The following XKR6 variants were observed in gnomAD, a reference collection of about 807,000 sequenced individuals.
The protein encoded by XKR6 is XK-related protein 6.
In XKR6, 22 loss-of-function variants were observed where a neutral mutation model predicts 56.7. The observed-to-expected ratio is 0.39, with a 90% CI of 0.28 to 0.55. The LOEUF (loss-of-function observed/expected upper bound fraction) is 0.55, where lower values mean the gene tolerates loss of function less well. Among genes scored for constraint, XKR6 ranks in the 20% least tolerant of loss-of-function variants. The pLI is 0.66. For synonymous variants in XKR6, 524 were observed against 387.8 expected (o/e 1.35, Z -4.13); for missense variants, 852 against 889.0 (o/e 0.96, Z 0.53).
intron 1 of XKR6, among the ~76,000 whole-genome samples, chr8:10,990,800 CT>C (rs1797972798): frequency 6.6e-6 from 1 of 151,574 alleles, no homozygotes; most frequent in Non-Finnish European, 1.5e-5. Flanking sequence ...CCAGGCTGGT[CT>C]CGAACTTCTG....
Position 11,195,861 on chromosome 8 carries a change from C to G in XKR6, c.764+4715G>C, listed in dbSNP as rs530009365. On this transcript the variant is annotated intron_variant, in intron 1 of 2. Coordinates refer to ENST00000416569, the MANE Select transcript of XKR6 (RefSeq NM_173683.4). Reference sequence around the variant, plus strand: ...TAGAGATGGGGTTTCACCATGTTAGCCAGGATGGTCGCGATCTCCTGACCT... The same window carrying G: ...TAGAGATGGGGTTTCACCATGTTAGGCAGGATGGTCGCGATCTCCTGACCT... Among the ~76,000 whole-genome samples the G allele has an allele frequency of 2.2e-3, 333 of 151,534 alleles. 1 individual carries two copies. The highest frequency in any genetic ancestry group is 7.6e-3 in the African/African-American group (315 of 41,312).
At chr8:11,010,794 C>G (rs943535778) in intron 1 of XKR6, among the ~76,000 whole-genome samples, 2 of 149,378 alleles carry the variant, frequency 1.3e-5, no homozygotes, top group Non-Finnish European at 3.0e-5. Flanking sequence ...TTTTTCCTGT[C>G]ATGACATTGA....
chr8:10,990,577 T>TTTG (rs202127566), intron 1 of XKR6, among the ~76,000 whole-genome samples: 17 of 152,062 alleles, frequency 1.1e-4, no homozygotes, highest in East Asian at 3.9e-4. Flanking sequence ...CTGGGGAATG[T>TTTG]TTGTTGTTGT....
intron 1 of XKR6, among the ~76,000 whole-genome samples, chr8:11,055,253 T>C (rs1296199563): frequency 6.6e-6 from 1 of 151,516 alleles, no homozygotes; most frequent in Non-Finnish European, 1.5e-5. Flanking sequence ...GATGAAAGGA[T>C]ATCACTAAGA....
At chr8:10,926,844 G>A (rs1316352057) in intron 1 of XKR6, among the ~76,000 whole-genome samples, 1 of 152,258 alleles carries the variant, frequency 6.6e-6, no homozygotes, top group Non-Finnish European at 1.5e-5. Flanking sequence ...AACCAGGGAA[G>A]AGGCTCAGGA....
intron 1 of XKR6, among the ~76,000 whole-genome samples, chr8:11,099,174 T>C (rs573868608): frequency 6.6e-6 from 1 of 152,276 alleles, no homozygotes; most frequent in South Asian, 2.1e-4. Context: ...CCACATCTCC[T>C]TTCTTCAGAT....
chr8:11,062,565 A>T (rs1171377214), intron 1 of XKR6: 1 of 361,710 alleles, frequency 2.8e-6, no homozygotes, highest in Non-Finnish European at 5.4e-6. Context: ...ACAGGGGCTG[A>T]TTGGCTGATT....
Position 10,898,091 on chromosome 8 carries a change from G to T in XKR6, c.1787C>A (p.Ala596Asp), listed in dbSNP as rs1217951730. The T allele has an allele frequency of 6.2e-7, 1 of 1,614,040 alleles. No homozygotes were observed. The highest frequency in any genetic ancestry group is 8.5e-7 in the Non-Finnish European group (1 of 1,180,026). ...KIDMPRKRYP[A>D]WDAHFVDRRL... ...CCTGTCTACAAAATGAGCATCCCAA[G>T]CTGGGTATCGCTTTCTTGGCATGTC... Residue 596 changes from alanine to aspartate, a missense_variant, in exon 3 of 3, where the codon GCT (alanine) becomes GAT (aspartate). By Grantham distance (126) the Ala-to-Asp change is moderately radical. This residue lies in a region of XKR6 where 39 missense variants were observed against 62.5 expected (regional missense o/e 0.62). Coordinates refer to ENST00000416569, the MANE Select transcript of XKR6 (RefSeq NM_173683.4). The surrounding 1 kb of genome is among the most constrained non-coding windows in gnomAD (Gnocchi z 6.6).
At chr8:11,102,596 T>C (rs931618622) in intron 1 of XKR6, among the ~76,000 whole-genome samples, 1 of 152,138 alleles carries the variant, frequency 6.6e-6, no homozygotes, top group Admixed American at 6.5e-5. Flanking sequence ...CCTAACTCTA[T>C]GGAAAATTCT....
At chr8:11,087,585 G>A (rs1481776597) in intron 1 of XKR6, among the ~76,000 whole-genome samples, 2 of 152,150 alleles carry the variant, frequency 1.3e-5, no homozygotes, top group Non-Finnish European at 2.9e-5. Context: ...GTCTCAAAAT[G>A]ATGACCAGGA....
intron 1 of XKR6, among the ~76,000 whole-genome samples, chr8:11,181,569 T>A (rs764037618): frequency 1.3e-5 from 2 of 152,214 alleles, no homozygotes; most frequent in Non-Finnish European, 2.9e-5. Flanking sequence ...ATTAATATTT[T>A]GAACACATAA....
At position 11,200,830 on chromosome 8, in the gene XKR6, C is replaced by T. The variant is rs770798834; in HGVS notation, c.510G>A (p.Leu170=). ...GGCTCTGCACCAGCAGCGACGGCAC[C>T]AGCACGAAGAAGAGGGTCAGCCCGA... ...VYFGLTLFFV[L]VPSLLVQSLS... is the part of the protein sequence containing the mutation. The change falls in exon 1 of 3, where the codon CTG becomes CTA. Residue 170 remains leucine, a synonymous_variant. Transcript: ENST00000416569. The surrounding 1 kb of genome is among the most constrained non-coding windows in gnomAD (Gnocchi z 6.4). 1 of 1,611,870 alleles carries T rather than the reference C, an allele frequency of 6.2e-7. No individual in the cohort carries two copies. The highest frequency in any genetic ancestry group is 8.5e-7 in the Non-Finnish European group (1 of 1,179,512).
At chr8:11,069,860 T>C (rs1472842481) in intron 1 of XKR6, among the ~76,000 whole-genome samples, 1 of 152,206 alleles carries the variant, frequency 6.6e-6, no homozygotes, top group Admixed American at 6.5e-5. Flanking sequence ...GGAGAGCTTC[T>C]AGGAAAACAT....
intron 2 of XKR6, among the ~76,000 whole-genome samples, chr8:10,902,521 G>C (rs543204523): frequency 6.6e-6 from 1 of 152,266 alleles, no homozygotes; most frequent in African/African-American, 2.4e-5. Context: ...TGGTCCCTCT[G>C]TCAGTTCAGC....
At position 11,120,723 on chromosome 8, in the gene XKR6, C is replaced by T. The variant is rs181342242; in HGVS notation, c.764+79853G>A. On this transcript the variant is annotated intron_variant, in intron 1 of 2. Transcript: ENST00000416569. ...TATGGAACCAAAAAAGAGCCCGCAT[C>T]GCCAAGTCAATCCTAAGCAAAAAGA... 8.1e-4 allele frequency among the ~76,000 whole-genome samples: 123 copies of T among 152,226 alleles called. 2 individuals are homozygous for T. In the East Asian group the frequency reaches 0.02, roughly 25 times the overall value.
chr8:11,076,424 T>G (rs1800276013), intron 1 of XKR6, among the ~76,000 whole-genome samples: 1 of 152,168 alleles, frequency 6.6e-6, no homozygotes, highest in Non-Finnish European at 1.5e-5. Flanking sequence ...TGAATCCATA[T>G]TTCCTGCCTG....
intron 1 of XKR6, among the ~76,000 whole-genome samples, chr8:10,932,183 G>C (rs1434974281): frequency 6.6e-6 from 1 of 152,140 alleles, no homozygotes; most frequent in Non-Finnish European, 1.5e-5. Flanking sequence ...CTGTTAAAAT[G>C]GCTAAATAAA....
At chr8:11,038,674 A>G (rs975764506) in intron 1 of XKR6, among the ~76,000 whole-genome samples, 2 of 151,994 alleles carry the variant, frequency 1.3e-5, no homozygotes, top group Non-Finnish European at 2.9e-5. Context: ...AGTTGGGACC[A>G]CAAGTGCTCA....
At chr8:11,054,687 A>G (rs561960129) in intron 1 of XKR6, among the ~76,000 whole-genome samples, 25 of 152,334 alleles carry the variant, frequency 1.6e-4, no homozygotes, top group Non-Finnish European at 3.2e-4. Context: ...GGAACAACCC[A>G]GAACAGTTGC....
Sources: gnomAD v4.1 joint callset for allele counts (sites outside exome capture counted in the v4.1 genomes callset) on GRCh38, gnomAD v4.1.1 for gene constraint, gnomAD v4.1.1 regional missense constraint, Gnocchi (gnomAD v3.1) non-coding constraint, MANE v1.5 for transcripts, NCBI Gene and HGNC (gene_info 2026-07-23, HGNC 2026-07-21) for gene names.